Variants in STARD13 observed in about 807,000 individuals in gnomAD.
STARD13 encodes the protein StAR related lipid transfer domain containing 13.
In STARD13, 62 loss-of-function variants were observed where a neutral mutation model predicts 106.4. The observed-to-expected ratio is 0.58, with a 90% CI of 0.48 to 0.72. The LOEUF (loss-of-function observed/expected upper bound fraction) is 0.72, where lower values mean the gene tolerates loss of function less well. Among genes scored for constraint, STARD13 ranks in the 30% least tolerant of loss-of-function variants. The pLI is 0.00. For synonymous variants in STARD13, 565 were observed against 553.0 expected, an observed-to-expected ratio of 1.02 and a Z score of -0.31; for missense variants, 1,387 against 1,424.0, an observed-to-expected ratio of 0.97 and a Z score of 0.42.
At chr13:33,434,211 G>T in the STARD13 span, among the ~76,000 whole-genome samples, 2 of 151,888 alleles carry the variant, frequency 1.3e-5, no homozygotes, top group Non-Finnish European at 2.9e-5. Flanking sequence ...AAATTAGCTG[G>T]GCATGGTGGT....
the STARD13 span, among the ~76,000 whole-genome samples, chr13:33,609,733 A>AT: frequency 1.3e-5 from 2 of 151,564 alleles, no homozygotes; most frequent in African/African-American, 4.9e-5. Context: ...CGCCCGGCTA[A>AT]TTTTTTGTAT....
chr13:33,525,704 C>T, the STARD13 span, among the ~76,000 whole-genome samples: 3 of 152,098 alleles, frequency 2.0e-5, no homozygotes, highest in South Asian at 6.2e-4. Context: ...TGGCATATTC[C>T]GTCTGGAGAA....
At chr13:33,602,745 T>C in the STARD13 span, among the ~76,000 whole-genome samples, 3 of 152,176 alleles carry the variant, frequency 2.0e-5, no homozygotes, top group South Asian at 4.1e-4. Context: ...GTCAGAGCAT[T>C]GATGGCATTA....
At chr13:33,471,010 C>T in the STARD13 span, among the ~76,000 whole-genome samples, 1 of 152,116 alleles carries the variant, frequency 6.6e-6, no homozygotes. Flanking sequence ...TGCCTATGTC[C>T]TGAATGGTAA....
At chr13:33,627,664 G>C in the STARD13 span, among the ~76,000 whole-genome samples, 1,408 of 151,836 alleles carry the variant, frequency 9.3e-3, 32 homozygotes, top group African/African-American at 0.031. Flanking sequence ...GTTCTTTTCT[G>C]CCTCAAGATA....
rs540736779 is a variant in STARD13 at position 33,320,396 on chromosome 13, G to T, written c.124+29894C>A. On this transcript the variant is annotated intron_variant, in intron 1 of 5. Transcript: ENST00000567873. ...ATTGCAGGGTCTCTAGGAGTAGTAT[G>T]TGGAGGGATTAGCTAACTAGCATAA... Among the ~76,000 whole-genome samples the T allele has an allele frequency of 5.9e-5, 9 of 152,290 alleles. No individual in the cohort carries two copies. The South Asian group carries it at 1.2e-3, about 21-fold the overall frequency.
the STARD13 span, among the ~76,000 whole-genome samples, chr13:33,473,412 A>G: frequency 6.6e-6 from 1 of 152,238 alleles, no homozygotes; most frequent in African/African-American, 2.4e-5. Flanking sequence ...TGTTACTGAA[A>G]CACCAGAAAT....
At chr13:33,590,897 C>T in the STARD13 span, among the ~76,000 whole-genome samples, 1 of 152,126 alleles carries the variant, frequency 6.6e-6, no homozygotes, top group East Asian at 1.9e-4. Context: ...CATATCTAAT[C>T]TTGAAGTCGC....
chr13:33,106,209 T>G (rs1484984127), intron 13 of STARD13, among the ~76,000 whole-genome samples: 1 of 151,964 alleles, frequency 6.6e-6, no homozygotes, highest in Non-Finnish European at 1.5e-5. Context: ...CACCTGAGGT[T>G]GGGAGATTGA....
At chr13:33,551,595 TTTTTTTTTTTTTTTTTTTTTTGAGTTG>T in the STARD13 span, among the ~76,000 whole-genome samples, 2 of 76,258 alleles carry the variant, frequency 2.6e-5, no homozygotes, top group Non-Finnish European at 5.6e-5. Context: ...TTTTTTTTTT[TTTTTTTTTTTTTTTTTTTTTTGAGTTG>T]GAGTCTCACT....
At chr13:33,239,279 A>G (rs989164977) in intron 1 of STARD13, among the ~76,000 whole-genome samples, 64 of 152,164 alleles carry the variant, frequency 4.2e-4, no homozygotes, top group African/African-American at 1.4e-3. Flanking sequence ...TTCACTCATC[A>G]TCAATGGACA....
At chr13:33,593,997 C>T in the STARD13 span, among the ~76,000 whole-genome samples, 1 of 152,128 alleles carries the variant, frequency 6.6e-6, no homozygotes, top group Non-Finnish European at 1.5e-5. Flanking sequence ...AGCTCTGTCT[C>T]CCGGGTTCAC....
intron 1 of STARD13, among the ~76,000 whole-genome samples, chr13:33,243,733 G>C (rs931654867): frequency 6.6e-6 from 1 of 152,118 alleles, no homozygotes; most frequent in African/African-American, 2.4e-5. Context: ...ACAACATTTT[G>C]TTTCCTTCAT....
intron 4 of STARD13, among the ~76,000 whole-genome samples, chr13:33,132,547 C>T (rs1342017551): frequency 6.6e-6 from 1 of 152,168 alleles, no homozygotes; most frequent in South Asian, 2.1e-4. Flanking sequence ...TCAGGTATGT[C>T]TTTATCAGCA....
At chr13:33,259,652 T>C (rs1890538541) in intron 1 of STARD13, among the ~76,000 whole-genome samples, 1 of 152,218 alleles carries the variant, frequency 6.6e-6, no homozygotes, top group Admixed American at 6.5e-5. Context: ...CAGTTGGGCC[T>C]AGGAAATCGC....
At chr13:33,505,636 T>C in the STARD13 span, among the ~76,000 whole-genome samples, 5 of 152,192 alleles carry the variant, frequency 3.3e-5, no homozygotes, top group African/African-American at 1.2e-4. Flanking sequence ...TAACTACATC[T>C]TTTGTTAAAT....
At chr13:33,268,768 T>C (rs1174043677) in intron 1 of STARD13, among the ~76,000 whole-genome samples, 1 of 152,230 alleles carries the variant, frequency 6.6e-6, no homozygotes, top group Non-Finnish European at 1.5e-5. Context: ...AAAGATTCTT[T>C]CTCCAATAAA....
the STARD13 span, among the ~76,000 whole-genome samples, chr13:33,567,135 C>T: frequency 6.7e-6 from 1 of 148,278 alleles, no homozygotes; most frequent in Non-Finnish European, 1.5e-5. Context: ...AATGCTTTGA[C>T]CCTACTAGGT....
chr13:33,425,319 G>A, the STARD13 span, among the ~76,000 whole-genome samples: 7 of 152,158 alleles, frequency 4.6e-5, no homozygotes, highest in East Asian at 7.7e-4. Context: ...CTGGCATGCC[G>A]AGGTAGGCAC....
Sources: gnomAD v4.1 joint callset for allele counts (sites outside exome capture counted in the v4.1 genomes callset) on GRCh38, gnomAD v4.1.1 for gene constraint, MANE v1.5 for transcripts, NCBI Gene and HGNC (gene_info 2026-07-23, HGNC 2026-07-21) for gene names.